The following BMPR1B variants were observed in gnomAD, a reference collection of about 807,000 sequenced individuals.
BMPR1B encodes bone morphogenetic protein receptor type 1B.
BMPR1B carries 12 observed loss-of-function variants against 59.1 expected under a neutral mutation model. The ratio of observed to expected loss-of-function variants is 0.20; its 90% CI spans 0.13 to 0.33. The LOEUF (loss-of-function observed/expected upper bound fraction) is 0.33, where lower values mean the gene tolerates loss of function less well. Among genes scored for constraint, BMPR1B ranks in the 10% least tolerant of loss-of-function variants. BMPR1B has a pLI of 1.00. For synonymous variants in BMPR1B, 237 were observed against 207.3 expected (o/e 1.14, Z -1.23); for missense variants, 550 against 610.9 (o/e 0.90, Z 1.05).
chr4:94,969,282 G>A (rs1183135293), intron 2 of BMPR1B, among the ~76,000 whole-genome samples: 3 of 151,964 alleles, frequency 2.0e-5, no homozygotes, highest in African/African-American at 4.8e-5. Context: ...TGATCTGCCC[G>A]ACCCGGCCTC....
intron 1 of BMPR1B, among the ~76,000 whole-genome samples, chr4:94,856,125 CTCATGAAAAAGA>C (rs1439646277): frequency 6.6e-6 from 1 of 152,110 alleles, no homozygotes; most frequent in African/African-American, 2.4e-5. Context: ...AACAGATTGT[CTCATGAAAAAGA>C]AAACCCAGCT....
At chr4:94,787,544 G>T (rs1056944950) in intron 1 of BMPR1B, among the ~76,000 whole-genome samples, 1 of 152,132 alleles carries the variant, frequency 6.6e-6, no homozygotes, top group Non-Finnish European at 1.5e-5. Context: ...ATTACACTTA[G>T]CTCAGCCTCT....
In BMPR1B at chr4:95,071,624, ATGTGTGTT is replaced by A. The variant is rs1371176193; in HGVS notation, c.-17-32776_-17-32769del. Among the ~76,000 whole-genome samples the A allele has an allele frequency of 3.8e-4, 47 of 124,146 alleles. 1 individual carries two copies. In the Middle Eastern group the frequency reaches 0.021, roughly 55 times the overall value. The allele number at this position is 124,146 out of a possible 152,430, so 81.4% of individuals were successfully genotyped here. On this transcript the variant is annotated intron_variant, in intron 3 of 12. Transcript: ENST00000515059. ...AGTAAAGCATAGATTATGAATATAT[ATGTGTGTT>A]TGTGTGTGTGTGTGTGTGTGTATAT...
chr4:94,919,169 G>C (rs948837713), intron 2 of BMPR1B, among the ~76,000 whole-genome samples: 5 of 152,070 alleles, frequency 3.3e-5, no homozygotes, highest in African/African-American at 7.2e-5. Context: ...GTTATGTTCT[G>C]AATCTCTTGC....
chr4:95,142,310 T>C (rs184270967), intron 10 of BMPR1B, among the ~76,000 whole-genome samples: 20 of 152,310 alleles, frequency 1.3e-4, no homozygotes, highest in Admixed American at 1.3e-3. Flanking sequence ...GAATTTTTTA[T>C]GCTTTTGGGG....
chr4:94,889,950 C>T (rs1727324340), intron 2 of BMPR1B, among the ~76,000 whole-genome samples: 2 of 151,460 alleles, frequency 1.3e-5, no homozygotes, highest in South Asian at 4.1e-4. Context: ...TTTTCTGACC[C>T]CTCCTCTACC....
At chr4:94,880,690 G>A (rs1248637097) in intron 2 of BMPR1B, among the ~76,000 whole-genome samples, 1 of 144,620 alleles carries the variant, frequency 6.9e-6, no homozygotes, top group East Asian at 2.0e-4. Context: ...CCAGGCTGGA[G>A]TGCAGTGATG....
intron 3 of BMPR1B, among the ~76,000 whole-genome samples, chr4:95,089,995 C>T (rs1195576171): frequency 3.9e-5 from 6 of 152,038 alleles, no homozygotes; most frequent in Non-Finnish European, 8.8e-5. Context: ...GAATACCATT[C>T]TTCTTTCATT....
At chr4:95,149,740 A>G (rs564620293) in intron 11 of BMPR1B, among the ~76,000 whole-genome samples, 67 of 152,354 alleles carry the variant, frequency 4.4e-4, no homozygotes, top group Non-Finnish European at 7.5e-4. Flanking sequence ...TATCTTCATG[A>G]AAACATGAGC....
chr4:94,833,624 C>T (rs1015725678), intron 1 of BMPR1B, among the ~76,000 whole-genome samples: 1 of 152,078 alleles, frequency 6.6e-6, no homozygotes, highest in African/African-American at 2.4e-5. Context: ...TCCCATCAGC[C>T]CCCAACACCT....
chr4:95,136,861 A>G (rs142196743), intron 10 of BMPR1B, among the ~76,000 whole-genome samples: 3,917 of 150,654 alleles, frequency 0.026, 150 homozygotes, highest in African/African-American at 0.088. Context: ...CAAAACACCA[A>G]CTCCTGGATT....
At chr4:95,075,475 A>G (rs1219737199) in intron 3 of BMPR1B, among the ~76,000 whole-genome samples, 1 of 152,200 alleles carries the variant, frequency 6.6e-6, no homozygotes, top group Non-Finnish European at 1.5e-5. Flanking sequence ...ATGAAAGAAT[A>G]TAATCCTGTA....
At chr4:94,953,533 T>C (rs901534847) in intron 2 of BMPR1B, among the ~76,000 whole-genome samples, 2 of 152,204 alleles carry the variant, frequency 1.3e-5, no homozygotes, top group Non-Finnish European at 2.9e-5. Flanking sequence ...TTAGTTTGGC[T>C]GAATATGAAA....
intron 3 of BMPR1B, among the ~76,000 whole-genome samples, chr4:95,020,669 C>T (rs187182496): frequency 3.8e-4 from 58 of 151,238 alleles, no homozygotes; most frequent in African/African-American, 1.2e-3. Flanking sequence ...ATGGTGCCGT[C>T]TACTGGTGAA....
At chr4:94,884,594 A>T (rs1419122753) in intron 2 of BMPR1B, among the ~76,000 whole-genome samples, 1 of 152,120 alleles carries the variant, frequency 6.6e-6, no homozygotes, top group Non-Finnish European at 1.5e-5. Flanking sequence ...AAGAGTTGTA[A>T]CCACCCTAGG....
At chr4:94,811,745 AT>A (rs1723823645) in intron 1 of BMPR1B, among the ~76,000 whole-genome samples, 1 of 152,040 alleles carries the variant, frequency 6.6e-6, no homozygotes, top group Non-Finnish European at 1.5e-5. Context: ...GAATCCAAAT[AT>A]TTTCTCTGTA....
chr4:94,966,625 A>G (rs889394319), intron 2 of BMPR1B, among the ~76,000 whole-genome samples: 5 of 152,236 alleles, frequency 3.3e-5, no homozygotes, highest in African/African-American at 7.2e-5. Flanking sequence ...AATGAACTCT[A>G]TACTCAACTC....
At chr4:95,130,662 T>C (rs1177751437) in intron 9 of BMPR1B, among the ~76,000 whole-genome samples, 2 of 151,840 alleles carry the variant, frequency 1.3e-5, no homozygotes, top group Admixed American at 1.3e-4. Flanking sequence ...GACCATATTT[T>C]CAGATGTAAA....
intron 2 of BMPR1B, among the ~76,000 whole-genome samples, chr4:94,961,870 ATG>A (rs1187866870): frequency 6.6e-6 from 1 of 152,196 alleles, no homozygotes; most frequent in Admixed American, 6.5e-5. Flanking sequence ...AAAGCATATG[ATG>A]TGTGATAACC....
Sources: allele counts gnomAD v4.1 joint callset (sites outside exome capture counted in the v4.1 genomes callset), GRCh38; gene constraint gnomAD v4.1.1; transcripts MANE v1.5; gene names NCBI Gene and HGNC (gene_info 2026-07-23, HGNC 2026-07-21).